The following SHE variants were observed in gnomAD, a reference collection of about 807,000 sequenced individuals.
SHE encodes SH2 domain-containing adapter protein E.
In SHE, 11 loss-of-function variants were observed where a neutral mutation model predicts 49.8. That is an observed-to-expected ratio of 0.22 (90% CI 0.14 to 0.37). The LOEUF (loss-of-function observed/expected upper bound fraction) is 0.37. Among genes scored for constraint, SHE ranks in the 10% least tolerant of loss-of-function variants. SHE has a pLI of 1.00. For missense variants in SHE, 624 were observed against 655.5 expected (o/e 0.95, Z 0.52); for synonymous variants, 310 against 278.1 (o/e 1.11, Z -1.14).
chr1:154,487,436 A>G (rs758743942), intron 3 of SHE, among the ~76,000 whole-genome samples: 25 of 152,130 alleles, frequency 1.6e-4, no homozygotes, highest in Admixed American at 6.6e-4. Context: ...GACAACTCAG[A>G]AACAGAAAGA....
rs1260088149 is a variant in SHE, at chr1:154,482,691, G to GT, written c.*1457dup. On this transcript the variant is annotated 3_prime_UTR_variant, in exon 6 of 6. Coordinates refer to ENST00000304760, the MANE Select transcript of SHE (RefSeq NM_001010846.3). The stretch of plus-strand genomic sequence containing the variant: ...CTTCTCACAGTATGCCATTCCCATG[G>GT]TTTTTTTCACAGTAAATAAACTGGT... 5.1e-6 allele frequency: 5 copies of GT among 985,174 alleles called. No individual in the cohort carries two copies. The highest frequency in any genetic ancestry group is 1.1e-4 in the East Asian group (1 of 8,832). 61.0% of individuals were successfully genotyped at this position (985,174 alleles called of 1,614,324 possible).
intron 2 of SHE, 78 bp downstream of exon 2, chr1:154,499,034 A>G (rs879119899): frequency 7.8e-6 from 12 of 1,536,050 alleles, no homozygotes; most frequent in Admixed American, 1.9e-5. Context: ...CTCTTCCCCA[A>G]TAGACACCGG....
chr1:154,485,991 A>T lies in SHE; in HGVS notation c.1253T>A (p.Leu418Gln). The T allele has an allele frequency of 6.2e-7, 1 of 1,614,140 alleles. No homozygotes were observed. The change falls in exon 5 of 6, where the codon CTG (leucine) becomes CAG (glutamine). Residue 418 changes from leucine (L) to glutamine (Q), a missense_variant. Leu to Gln is a moderately radical substitution (Grantham distance 113). This residue lies in a region of SHE where 125 missense variants were observed against 181.7 expected (regional missense o/e 0.69). Transcript: ENST00000304760. ...GTTCCCTGACTCACTATTTCGAACCAGGTAACCAGCTTCTTTGCAGGGCTG... is the reference window on the plus strand; with the variant it reads ...GTTCCCTGACTCACTATTTCGAACCTGGTAACCAGCTTCTTTGCAGGGCTG... ...RLQPCKEAGY[L>Q]VRNSESGNSR...
chr1:154,495,104 G>T (rs566615315), intron 2 of SHE, among the ~76,000 whole-genome samples: 1 of 152,282 alleles, frequency 6.6e-6, no homozygotes, highest in South Asian at 2.1e-4. Flanking sequence ...ATTTAGTGAG[G>T]TAATTTGGCC....
chr1:154,491,595 G>A (rs1464318672), intron 2 of SHE, among the ~76,000 whole-genome samples: 1 of 152,192 alleles, frequency 6.6e-6, no homozygotes, highest in East Asian at 1.9e-4. Flanking sequence ...TGATGTGTCT[G>A]TATTTTCAAT....
At chr1:154,493,077 T>C (rs1692417177) in intron 2 of SHE, among the ~76,000 whole-genome samples, 1 of 152,226 alleles carries the variant, frequency 6.6e-6, no homozygotes, top group South Asian at 2.1e-4. Flanking sequence ...TTTTTACTTT[T>C]GCAACGAGGT....
chr1:154,477,119 T>TA (rs1401183924), downstream of SHE, among the ~76,000 whole-genome samples: 1 of 152,206 alleles, frequency 6.6e-6, no homozygotes, highest in African/African-American at 2.4e-5. Flanking sequence ...AAAGGCTGCC[T>TA]AGGCCCATGG....
intron 2 of SHE, among the ~76,000 whole-genome samples, chr1:154,493,000 C>T (rs1263986697): frequency 1.3e-5 from 2 of 152,102 alleles, no homozygotes; most frequent in African/African-American, 4.8e-5. Flanking sequence ...AGCCCACCTC[C>T]CCTAAAATAA....
intron 2 of SHE, among the ~76,000 whole-genome samples, chr1:154,495,800 C>T (rs962725379): frequency 5.3e-5 from 8 of 151,936 alleles, no homozygotes; most frequent in Admixed American, 4.6e-4. Context: ...GTATTCTACA[C>T]GCCCAAGATA....
chr1:154,502,018 C>G lies in SHE; in HGVS notation c.9G>C (p.Trp3Cys), dbSNP rs1391402250. Residue 3 changes from tryptophan to cysteine, a missense_variant, in exon 1 of 6, where the codon TGG becomes TGC. This residue lies in a region of SHE where 337 missense variants were observed against 306.0 expected (regional missense o/e 1.10). Transcript: ENST00000304760. ...ACGCAGAGGCGCCAGGGGTCGGGGA[C>G]CACTGCATTCCCCGTGACTGGGGCG... MQ[W>C]SPTPGASACL... is the part of the protein sequence containing the mutation. 4 of 1,364,018 alleles carry G rather than the reference C, an allele frequency of 2.9e-6. No homozygotes were observed. The highest frequency in any genetic ancestry group is 3.8e-6 in the Non-Finnish European group (4 of 1,066,090). 84.5% of individuals were successfully genotyped at this position (1,364,018 alleles called of 1,614,324 possible).
Position 154,470,248 on chromosome 1 carries a change from G to A in SHE, c.*93C>T, listed in dbSNP as rs530563916. On this transcript the variant is annotated 3_prime_UTR_variant, in exon 2 of 2. Transcript: ENST00000486773. ...GGGCCATGGAGGGGGCACGGGAGTG[G>A]GCACTGGAGCCAGGACGTGGAGGGA... 1.3e-5 allele frequency: 16 copies of A among 1,221,738 alleles called. No homozygotes were observed. In the African/African-American group the frequency reaches 2.2e-4, roughly 17 times the overall value. The allele number at this position is 1,221,738 out of a possible 1,614,324, so 75.7% of individuals were successfully genotyped here.
chr1:154,486,585 G>A lies in SHE; in HGVS notation c.1123C>T (p.Leu375Phe). The change falls in exon 4 of 6, where the codon CTC becomes TTC. Residue 375 changes from leucine (L) to phenylalanine (F), a missense_variant. By Grantham distance (22) the Leu-to-Phe change is conservative. Coordinates refer to ENST00000304760, the MANE Select transcript of SHE (RefSeq NM_001010846.3). The stretch of plus-strand genomic sequence containing the variant: ...TTCTCTCCCTCACTGTGGTCCGAGA[G>A]GGCTGGCTTCAGGATCTTCTGGGTC... ...SWTQKILKPA[L>F]SDHSEGEKVD... The A allele has an allele frequency of 6.2e-7, 1 of 1,614,188 alleles. No homozygotes were observed. Among genetic ancestry groups the A allele is most frequent in the Non-Finnish European group, 8.5e-7 (1 of 1,180,028 alleles).
At chr1:154,485,272 C>CG (rs1246646963) in intron 5 of SHE, 1 of 152,188 alleles carries the variant, frequency 6.6e-6, no homozygotes, top group Non-Finnish European at 1.5e-5. Flanking sequence ...TCAACTCCCC[C>CG]GCCCGACTCT....
intron 1 of SHE, among the ~76,000 whole-genome samples, chr1:154,500,250 C>T (rs1043210034): frequency 6.6e-6 from 1 of 152,164 alleles, no homozygotes; most frequent in African/African-American, 2.4e-5. Flanking sequence ...CCATGTGTAC[C>T]GCATTTGCAA....
Position 154,484,395 on chromosome 1 carries a change from A to G in SHE, c.1302-60T>C, listed in dbSNP as rs1184795352. ...TGGGCAGAGGATCCCTCCCCACTGA[A>G]AACAATTGCAGCCAGATTCACACTA... On this transcript the variant is annotated intron_variant, in intron 5 of 5. Transcript: ENST00000304760. The G allele has an allele frequency of 2.1e-6, 3 of 1,444,836 alleles. No homozygotes were observed. In the African/African-American group the frequency reaches 4.2e-5, roughly 20 times the overall value. The allele number at this position is 1,444,836 out of a possible 1,614,324, so 89.5% of individuals were successfully genotyped here.
intron 2 of SHE, among the ~76,000 whole-genome samples, chr1:154,498,437 G>A (rs1692607129): frequency 6.9e-6 from 1 of 144,004 alleles, no homozygotes; most frequent in African/African-American, 2.6e-5. Flanking sequence ...TTGCTTTGCT[G>A]CCCAGGCTGG....
At chr1:154,477,940 T>C (rs924693460), downstream of SHE, among the ~76,000 whole-genome samples, 2 of 150,838 alleles carry the variant, frequency 1.3e-5, no homozygotes, top group Non-Finnish European at 3.0e-5. Flanking sequence ...TCTGCACTCA[T>C]TAAACAACTC....
chr1:154,477,914 G>T (rs1168546303), downstream of SHE, among the ~76,000 whole-genome samples: 1 of 141,628 alleles, frequency 7.1e-6, no homozygotes, highest in Non-Finnish European at 1.6e-5. Context: ...AAAAAAGAAA[G>T]AAAAGAAAAG....
At position 154,481,768 on chromosome 1, in the gene SHE, C is replaced by T. The variant is rs1051362866; in HGVS notation, c.*2381G>A. On this transcript the variant is annotated 3_prime_UTR_variant, in exon 6 of 6. Transcript: ENST00000304760. ...GGATGCTGAAAAAACCTTTTAAAAT[C>T]TTACACTAAAGATATAGTAAATGAA... 6.1e-5 allele frequency: 59 copies of T among 963,314 alleles called. No individual in the cohort carries two copies. The highest frequency in any genetic ancestry group is 6.8e-5 in the Non-Finnish European group (55 of 809,966). The allele number at this position is 963,314 out of a possible 1,614,324, so 59.7% of individuals were successfully genotyped here. A position where few individuals can be genotyped will look rare whatever the true frequency, so the allele number is the denominator to read the frequency against.
Sources: allele counts gnomAD v4.1 joint callset (sites outside exome capture counted in the v4.1 genomes callset), GRCh38; gene constraint gnomAD v4.1.1; regional missense constraint gnomAD v4.1.1; transcripts MANE v1.5; gene names NCBI Gene and HGNC (gene_info 2026-07-23, HGNC 2026-07-21).